The following OLFM3 variants were observed in gnomAD, a reference collection of about 807,000 sequenced individuals.
OLFM3 encodes the protein noelin-3.
A neutral mutation model predicts 48.6 loss-of-function variants in OLFM3; 20 were observed. That is an observed-to-expected ratio of 0.41 (90% confidence interval 0.29 to 0.60). OLFM3 has a LOEUF of 0.60. OLFM3 is among the 20% of genes least tolerant of loss of function. The pLI, the probability that OLFM3 is intolerant of heterozygous loss-of-function variation, is 0.28. For missense variants in OLFM3, 437 were observed against 544.3 expected (o/e 0.80, Z 1.96); for synonymous variants, 222 against 198.1 (o/e 1.12, Z -1.01).
At chr1:101,876,505 C>T (rs1484260464) in intron 1 of OLFM3, among the ~76,000 whole-genome samples, 8 of 151,918 alleles carry the variant, frequency 5.3e-5, no homozygotes, top group Non-Finnish European at 1.2e-4. Context: ...CTCTTACATT[C>T]AGAAATTTAG....
chr1:101,910,136 C>T, intron 1 of OLFM3: 2 of 985,288 alleles, frequency 2.0e-6, no homozygotes, highest in Non-Finnish European at 2.4e-6. Flanking sequence ...TCCTCTTCAT[C>T]ATCACAAGAT....
chr1:101,962,859 A>T (rs915021410), intron 1 of OLFM3, among the ~76,000 whole-genome samples: 1 of 152,162 alleles, frequency 6.6e-6, no homozygotes. Context: ...AGGGTGGTGT[A>T]TAGAGAGGAG....
chr1:101,888,690 A>G (rs1557717813), intron 1 of OLFM3, among the ~76,000 whole-genome samples: 1 of 152,198 alleles, frequency 6.6e-6, no homozygotes, highest in Non-Finnish European at 1.5e-5. Context: ...CAGCAAAAGA[A>G]ACTACCATCA....
At chr1:101,831,884 C>T (rs1004998518) in intron 2 of OLFM3, among the ~76,000 whole-genome samples, 11 of 152,150 alleles carry the variant, frequency 7.2e-5, no homozygotes, top group African/African-American at 2.7e-4. Context: ...AAAATTTGAT[C>T]TTTTTTGTTG....
chr1:101,957,184 C>A (rs1660323467), intron 1 of OLFM3, among the ~76,000 whole-genome samples: 1 of 151,872 alleles, frequency 6.6e-6, no homozygotes, highest in African/African-American at 2.4e-5. Flanking sequence ...TTAAAGACAT[C>A]ATTTGGGAAG....
chr1:101,935,023 A>G (rs1659566142), intron 1 of OLFM3, among the ~76,000 whole-genome samples: 1 of 152,022 alleles, frequency 6.6e-6, no homozygotes, highest in South Asian at 2.1e-4. Context: ...AGTTAGAAAG[A>G]CCTCAAATTA....
At chr1:101,891,001 T>C (rs1218504774) in intron 1 of OLFM3, among the ~76,000 whole-genome samples, 1 of 151,998 alleles carries the variant, frequency 6.6e-6, no homozygotes, top group Non-Finnish European at 1.5e-5. Context: ...ACCAAATATT[T>C]AGATAATCTG....
chr1:101,970,364 A>G (rs1394660922), intron 1 of OLFM3, among the ~76,000 whole-genome samples: 1 of 152,198 alleles, frequency 6.6e-6, no homozygotes, highest in Non-Finnish European at 1.5e-5. Context: ...TACTTCAGAT[A>G]TAGCTATAAA....
rs539153744 is a variant in OLFM3, at chr1:101,814,628, G to C, written c.593-8446C>G. On this transcript the variant is annotated intron_variant, in intron 4 of 5. Coordinates refer to ENST00000370103, the MANE Select transcript of OLFM3 (RefSeq NM_058170.4). Reference sequence around the variant, plus strand: ...GATTTAGCCATTTAGAGAATAGCTAGGGGAAGGCAGCATCTTAAAGTGGTT... The same window carrying C: ...GATTTAGCCATTTAGAGAATAGCTACGGGAAGGCAGCATCTTAAAGTGGTT... Among the ~76,000 whole-genome samples, 69 of 152,248 alleles carry C rather than the reference G, an allele frequency of 4.5e-4. 1 individual carries two copies. Among genetic ancestry groups the C allele is most frequent in the Non-Finnish European group, 8.5e-4 (58 of 68,000 alleles).
At chr1:101,963,782 A>G (rs567234848) in intron 1 of OLFM3, among the ~76,000 whole-genome samples, 1 of 152,288 alleles carries the variant, frequency 6.6e-6, no homozygotes, top group South Asian at 2.1e-4. Flanking sequence ...GGGACTGGAA[A>G]TCTACCCCAT....
chr1:101,881,601 A>T (rs150723010), intron 1 of OLFM3, among the ~76,000 whole-genome samples: 1,710 of 151,934 alleles, frequency 0.011, 30 homozygotes, highest in African/African-American at 0.038. Flanking sequence ...TTTTATAGGC[A>T]CCCTGTAGTT....
intron 1 of OLFM3, among the ~76,000 whole-genome samples, chr1:101,948,313 G>A (rs1252505577): frequency 6.6e-6 from 1 of 152,016 alleles, no homozygotes; most frequent in African/African-American, 2.4e-5. Context: ...TGGAGATAAT[G>A]AATGAGCAAA....
intron 2 of OLFM3, among the ~76,000 whole-genome samples, chr1:101,833,396 TC>T (rs1189946219): frequency 6.6e-6 from 1 of 152,196 alleles, no homozygotes; most frequent in African/African-American, 2.4e-5. Context: ...TTGTTTAGTT[TC>T]CCACTGGCTA....
intron 1 of OLFM3, among the ~76,000 whole-genome samples, chr1:101,968,224 A>G (rs185062600): frequency 1.5e-3 from 224 of 152,220 alleles, no homozygotes; most frequent in Middle Eastern, 3.4e-3. Context: ...TAGCTTCTCT[A>G]CCTACATGAT....
At chr1:101,930,884 T>A (rs1425002002) in intron 1 of OLFM3, among the ~76,000 whole-genome samples, 1 of 152,238 alleles carries the variant, frequency 6.6e-6, no homozygotes, top group Admixed American at 6.5e-5. Context: ...CTGTGTTAGC[T>A]TTGAAAAGGA....
At chr1:101,980,084 G>A (rs961615615) in intron 1 of OLFM3, among the ~76,000 whole-genome samples, 2 of 152,160 alleles carry the variant, frequency 1.3e-5, no homozygotes, top group African/African-American at 4.8e-5. Flanking sequence ...ATTTGGAATG[G>A]GAGAATTTAT....
intron 4 of OLFM3, among the ~76,000 whole-genome samples, chr1:101,823,569 C>T (rs1488745272): frequency 6.6e-6 from 1 of 151,926 alleles, no homozygotes; most frequent in Non-Finnish European, 1.5e-5. Flanking sequence ...AGGGGCCACA[C>T]ATGAAGGGTC....
intron 1 of OLFM3, among the ~76,000 whole-genome samples, chr1:101,863,560 C>T (rs1385907969): frequency 1.3e-5 from 2 of 152,128 alleles, no homozygotes; most frequent in African/African-American, 4.8e-5. Flanking sequence ...AGACTCAGTA[C>T]AGAATCATAT....
intron 1 of OLFM3, among the ~76,000 whole-genome samples, chr1:101,945,680 G>T (rs1172596045): frequency 2.6e-5 from 4 of 151,962 alleles, no homozygotes; most frequent in African/African-American, 9.7e-5. Context: ...GGGCACAGTG[G>T]CTCACGCCTA....
Sources: allele counts gnomAD v4.1 joint callset (sites outside exome capture counted in the v4.1 genomes callset), GRCh38; gene constraint gnomAD v4.1.1; transcripts MANE v1.5; gene names NCBI Gene and HGNC (gene_info 2026-07-23, HGNC 2026-07-21).